DCLK2: variants seen among roughly 807,000 people sequenced by gnomAD.
DCLK2 encodes the protein doublecortin like kinase 2.
Under a neutral mutation model 78.4 loss-of-function variants are expected in DCLK2, and 31 were observed. That is an observed-to-expected ratio of 0.40 (90% CI 0.30 to 0.53). The LOEUF (loss-of-function observed/expected upper bound fraction) is 0.53. Ranked by LOEUF, DCLK2 falls within the 20% of genes least tolerant of loss-of-function variation. The pLI is 0.61. For missense variants in DCLK2, 872 were observed against 973.7 expected (o/e 0.90, Z 1.39); for synonymous variants, 407 against 374.9 (o/e 1.09, Z -0.99).
intron 13 of DCLK2, 73 bp from the exon 14 acceptor site, chr4:150,248,232 C>CA: frequency 7.2e-7 from 1 of 1,385,388 alleles, no homozygotes; most frequent in Non-Finnish European, 1.0e-6. Context: ...GCCACAAACT[C>CA]AGATTTCTGT....
intron 15 of DCLK2, chr4:150,253,977 T>C: frequency 1.1e-6 from 1 of 900,272 alleles, no homozygotes; most frequent in Non-Finnish European, 1.3e-6. Flanking sequence ...GAGAAGATAA[T>C]TTAATGGGTG....
intron 7 of DCLK2, among the ~76,000 whole-genome samples, chr4:150,222,391 C>G (rs1395776304): frequency 2.6e-5 from 4 of 152,166 alleles, no homozygotes; most frequent in African/African-American, 9.7e-5. Context: ...AAGAATAAGT[C>G]ATTTTTAAGA....
intron 2 of DCLK2, among the ~76,000 whole-genome samples, chr4:150,184,100 A>G (rs1388327745): frequency 1.3e-5 from 2 of 152,212 alleles, no homozygotes; most frequent in Non-Finnish European, 2.9e-5. Context: ...GCTAGGTGCT[A>G]TGTAATGCTG....
At chr4:150,233,437 A>G (rs1366962505) in intron 10 of DCLK2, among the ~76,000 whole-genome samples, 13 of 152,238 alleles carry the variant, frequency 8.5e-5, no homozygotes, top group Admixed American at 8.5e-4. Context: ...AATTGATGGT[A>G]CTGACTTAAA....
At chr4:150,190,600 C>T (rs1179560396) in intron 2 of DCLK2, among the ~76,000 whole-genome samples, 1 of 152,116 alleles carries the variant, frequency 6.6e-6, no homozygotes, top group African/African-American at 2.4e-5. Context: ...ACTGGCAAAT[C>T]TGCAGAGCTA....
At chr4:150,171,254 G>C (rs1180891071) in intron 2 of DCLK2, among the ~76,000 whole-genome samples, 3 of 152,236 alleles carry the variant, frequency 2.0e-5, no homozygotes, top group Non-Finnish European at 4.4e-5. Context: ...GCCGAGGCGG[G>C]TGAATCATGA....
chr4:150,176,238 G>A (rs1737080154), intron 2 of DCLK2, among the ~76,000 whole-genome samples: 1 of 152,100 alleles, frequency 6.6e-6, no homozygotes, highest in East Asian at 1.9e-4. Context: ...TGAGCCCTGA[G>A]CCTGGAGTCC....
chr4:150,120,683 C>T (rs1411436706), intron 2 of DCLK2, among the ~76,000 whole-genome samples: 1 of 152,112 alleles, frequency 6.6e-6, no homozygotes, highest in Non-Finnish European at 1.5e-5. Context: ...TGTTTGGCGT[C>T]CTAGCACAGA....
At chr4:150,081,669 G>A (rs1729289313) in intron 1 of DCLK2, among the ~76,000 whole-genome samples, 1 of 151,778 alleles carries the variant, frequency 6.6e-6, no homozygotes, top group Admixed American at 6.6e-5. Flanking sequence ...CCCCAAATTA[G>A]TAGAATACTC....
At chr4:150,207,038 A>G (rs1739895094) in intron 5 of DCLK2, among the ~76,000 whole-genome samples, 1 of 152,098 alleles carries the variant, frequency 6.6e-6, no homozygotes. Context: ...CCTTCCCTTC[A>G]TTTAAAATAG....
intron 2 of DCLK2, among the ~76,000 whole-genome samples, chr4:150,186,941 C>T (rs559725839): frequency 6.7e-6 from 1 of 149,758 alleles, no homozygotes; most frequent in Non-Finnish European, 1.5e-5. Context: ...GTCTCATATA[C>T]TTGTGAAATT....
intron 2 of DCLK2, among the ~76,000 whole-genome samples, chr4:150,165,756 T>C (rs1736014358): frequency 6.6e-6 from 1 of 152,224 alleles, no homozygotes; most frequent in South Asian, 2.1e-4. Flanking sequence ...ATGCTGTGGT[T>C]TGAATGTGTC....
intron 2 of DCLK2, among the ~76,000 whole-genome samples, chr4:150,183,555 A>C (rs796689980): frequency 4.6e-5 from 7 of 152,254 alleles, no homozygotes; most frequent in African/African-American, 1.7e-4. Flanking sequence ...TGACTGGTCT[A>C]CCCAAACAAT....
chr4:150,093,272 A>G (rs991697044), intron 1 of DCLK2, among the ~76,000 whole-genome samples: 2 of 152,268 alleles, frequency 1.3e-5, no homozygotes, highest in African/African-American at 4.8e-5. Flanking sequence ...ATACACAAAT[A>G]CATGGATAGA....
At chr4:150,096,050 T>A (rs1002135881) in intron 1 of DCLK2, among the ~76,000 whole-genome samples, 3 of 152,216 alleles carry the variant, frequency 2.0e-5, no homozygotes, top group Non-Finnish European at 2.9e-5. Flanking sequence ...ATACATTTTT[T>A]AAAAACTTGT....
chr4:150,174,472 T>A (rs1405045690), intron 2 of DCLK2, among the ~76,000 whole-genome samples: 1 of 152,164 alleles, frequency 6.6e-6, no homozygotes, highest in Admixed American at 6.5e-5. Context: ...GGGGACTGCT[T>A]TTGAAAATTC....
chr4:150,215,516 AT>A (rs912843408), intron 5 of DCLK2, among the ~76,000 whole-genome samples: 12 of 152,322 alleles, frequency 7.9e-5, no homozygotes, highest in African/African-American at 2.6e-4. Flanking sequence ...CTAATTTATT[AT>A]AAAGGATATT....
At chr4:150,109,171 T>A (rs1731476156) in intron 2 of DCLK2, among the ~76,000 whole-genome samples, 1 of 152,228 alleles carries the variant, frequency 6.6e-6, no homozygotes, top group South Asian at 2.1e-4. Flanking sequence ...CATATTTAGA[T>A]AAAGCAATCT....
intron 6 of DCLK2, among the ~76,000 whole-genome samples, 177 bp downstream of exon 6, chr4:150,220,955 A>T (rs923970082): frequency 6.6e-6 from 1 of 152,250 alleles, no homozygotes; most frequent in Non-Finnish European, 1.5e-5. Flanking sequence ...CAAGATAAAG[A>T]AAAATCTCAT....
Sources: gnomAD v4.1 joint callset for allele counts (sites outside exome capture counted in the v4.1 genomes callset) on GRCh38, gnomAD v4.1.1 for gene constraint, MANE v1.5 for transcripts, NCBI Gene and HGNC (gene_info 2026-07-23, HGNC 2026-07-21) for gene names.